The following PRR5L variants were observed in gnomAD, a reference collection of about 807,000 sequenced individuals.
PRR5L encodes the protein proline-rich protein 5-like.
A neutral mutation model predicts 36.4 loss-of-function variants in PRR5L; 21 were observed. The ratio of observed to expected loss-of-function variants is 0.58; its 90% confidence interval spans 0.41 to 0.83. The LOEUF (loss-of-function observed/expected upper bound fraction) is 0.83, where lower values mean the gene tolerates loss of function less well. PRR5L is among the 40% of genes least tolerant of loss of function. PRR5L has a pLI of 0.00. For missense variants in PRR5L, 381 were observed against 473.3 expected (o/e 0.80, Z 1.81); for synonymous variants, 188 against 197.0 (o/e 0.95, Z 0.38).
chr11:36,449,192 G>A (rs866980388), intron 7 of PRR5L, among the ~76,000 whole-genome samples: 3 of 152,330 alleles, frequency 2.0e-5, no homozygotes, highest in Non-Finnish European at 2.9e-5. Flanking sequence ...CAGCAAGGGC[G>A]ATGGCCTCTG....
At chr11:36,339,175 ACTCCAC>A (rs1340515802) in intron 1 of PRR5L, among the ~76,000 whole-genome samples, 1 of 151,300 alleles carries the variant, frequency 6.6e-6, no homozygotes, top group African/African-American at 2.4e-5. Context: ...GGACTAATAC[ACTCCAC>A]CTCCTGGGTT....
intron 1 of PRR5L, among the ~76,000 whole-genome samples, chr11:36,328,527 A>G (rs1856687847): frequency 6.6e-6 from 1 of 152,146 alleles, no homozygotes; most frequent in Non-Finnish European, 1.5e-5. Context: ...CCATGATTGA[A>G]AGGTTCCTGA....
At chr11:36,415,920 G>A (rs1266978038) in intron 3 of PRR5L, among the ~76,000 whole-genome samples, 1 of 152,172 alleles carries the variant, frequency 6.6e-6, no homozygotes, top group East Asian at 1.9e-4. Flanking sequence ...ATATGTTAGT[G>A]TTGTGTAAAC....
chr11:36,403,399 G>A, intron 3 of PRR5L, 21 bp downstream of exon 3: 1 of 1,607,292 alleles, frequency 6.2e-7, no homozygotes, highest in South Asian at 1.1e-5. Context: ...GGCCAGACTT[G>A]GTGCCATTTT....
intron 3 of PRR5L, among the ~76,000 whole-genome samples, chr11:36,415,193 G>A (rs970005914): frequency 1.1e-4 from 16 of 152,088 alleles, no homozygotes; most frequent in East Asian, 5.8e-4. Flanking sequence ...TTGGTGATGC[G>A]GGCTCTTTTT....
chr11:36,298,520 A>G (rs1001425692), intron 1 of PRR5L, among the ~76,000 whole-genome samples: 1 of 152,086 alleles, frequency 6.6e-6, no homozygotes, highest in African/African-American at 2.4e-5. Context: ...GCAGTTCACA[A>G]TAGGGTTTGT....
At chr11:36,393,376 GT>G (rs1857598676) in intron 1 of PRR5L, among the ~76,000 whole-genome samples, 1 of 152,166 alleles carries the variant, frequency 6.6e-6, no homozygotes, top group South Asian at 2.1e-4. Context: ...TAGGGGTCTA[GT>G]TTCATTCTTC....
intron 1 of PRR5L, among the ~76,000 whole-genome samples, chr11:36,342,175 C>T (rs1309513371): frequency 1.3e-5 from 2 of 152,110 alleles, no homozygotes; most frequent in East Asian, 1.9e-4. Flanking sequence ...CATGAAGGCT[C>T]AACTAAGGGT....
rs371582339 is a variant in PRR5L, at chr11:36,338,340, C to A, written c.-126+41902C>A. ...TTGTCACTTTCTCTCCATTCATTCA[C>A]CCCGCTTGAAATGCTTTCTTGCTTG... On this transcript the variant is annotated intron_variant, in intron 1 of 8. Coordinates refer to ENST00000530639, the MANE Select transcript of PRR5L (RefSeq NM_001160167.2). Among the ~76,000 whole-genome samples, 12 of 152,308 alleles carry A rather than the reference C, an allele frequency of 7.9e-5. No individual in the cohort carries two copies. In the East Asian group the frequency reaches 2.3e-3, roughly 29 times the overall value.
chr11:36,300,046 G>A (rs1395313851), intron 1 of PRR5L, among the ~76,000 whole-genome samples: 5 of 151,876 alleles, frequency 3.3e-5, no homozygotes, highest in African/African-American at 1.2e-4. Context: ...CTCCATCCCT[G>A]CCCCACTATA....
intron 1 of PRR5L, among the ~76,000 whole-genome samples, chr11:36,309,886 T>G (rs1186471305): frequency 2.3e-5 from 1 of 43,612 alleles, no homozygotes; most frequent in Non-Finnish European, 5.6e-5. Context: ...AAAGTGTCTG[T>G]ACATCACCCA....
rs1859259541 is a variant in PRR5L, at chr11:36,464,672, A to T, written c.*1936A>T. ...ATTAGTACACTTAACATTTGAGACT[A>T]GTATTTATTGATCCAGGCAAAGTAA... On this transcript the variant is annotated 3_prime_UTR_variant, in exon 9 of 9. Coordinates refer to ENST00000530639, the MANE Select transcript of PRR5L (RefSeq NM_001160167.2). 2 of 152,246 alleles carry T rather than the reference A, an allele frequency of 1.3e-5. No individual in the cohort carries two copies. 9.4% of individuals were successfully genotyped at this position (152,246 alleles called of 1,614,324 possible).
chr11:36,350,930 TTATATATTTATATA>T (rs1378548816), intron 1 of PRR5L, among the ~76,000 whole-genome samples: 1,066 of 33,878 alleles, frequency 0.031, 205 homozygotes, highest in African/African-American at 0.11. Context: ...TTATATATAT[TTATATATTTATATA>T]TATATATTTA....
At chr11:36,425,880 C>A (rs754005) in intron 4 of PRR5L, 34,633 of 151,948 alleles carry the variant, frequency 0.23, 4,204 homozygotes, top group East Asian at 0.38. Context: ...ACAACAGGAA[C>A]CTTCTAAGAC....
chr11:36,351,222 ATATATT>A (rs1403478367), intron 1 of PRR5L, among the ~76,000 whole-genome samples: 1 of 84,556 alleles, frequency 1.2e-5, no homozygotes, highest in African/African-American at 5.2e-5. Context: ...ATATAAATAT[ATATATT>A]TATATATATT....
chr11:36,328,951 C>T (rs374600978), intron 1 of PRR5L, among the ~76,000 whole-genome samples: 3 of 152,140 alleles, frequency 2.0e-5, no homozygotes, highest in Non-Finnish European at 2.9e-5. Flanking sequence ...AAAGGTTACA[C>T]GTTTGTAAAT....
intron 1 of PRR5L, among the ~76,000 whole-genome samples, chr11:36,313,329 T>C (rs1395977177): frequency 6.6e-6 from 1 of 152,208 alleles, no homozygotes; most frequent in Non-Finnish European, 1.5e-5. Context: ...CTATTGGGGA[T>C]TTCCTAACCC....
intron 1 of PRR5L, chr11:36,376,419 G>T (rs777323839): frequency 1.1e-4 from 123 of 1,149,024 alleles, no homozygotes; most frequent in Non-Finnish European, 1.3e-4. Flanking sequence ...CACCAGCCCG[G>T]CTGTGGGAGC....
intron 1 of PRR5L, chr11:36,376,733 G>A (rs1857269554): frequency 1.0e-6 from 1 of 984,912 alleles, no homozygotes; most frequent in Non-Finnish European, 1.2e-6. Flanking sequence ...GCGTCTCTGG[G>A]AGGGGCCGGA....
Sources: gnomAD v4.1 joint callset for allele counts (sites outside exome capture counted in the v4.1 genomes callset) on GRCh38, gnomAD v4.1.1 for gene constraint, MANE v1.5 for transcripts, NCBI Gene and HGNC (gene_info 2026-07-23, HGNC 2026-07-21) for gene names.